Variants in PHF8 observed in about 807,000 individuals in gnomAD.
PHF8 encodes the protein histone lysine demethylase PHF8.
In PHF8, 9 loss-of-function variants were observed where a neutral mutation model predicts 74.4. The observed-to-expected ratio is 0.12, with a 90% CI of 0.07 to 0.21. The LOEUF (loss-of-function observed/expected upper bound fraction) is 0.21, where lower values mean the gene tolerates loss of function less well. Ranked by LOEUF, PHF8 falls within the 10% of genes least tolerant of loss-of-function variation. The probability of loss-of-function intolerance (pLI) is 1.00; values close to 1 mark genes in which losing one functional copy is unlikely to be tolerated. For missense variants in PHF8, 478 were observed against 816.6 expected (o/e 0.59, Z 5.05); for synonymous variants, 311 against 316.6 (o/e 0.98, Z 0.19).
intron 2 of PHF8, 100 bp downstream of exon 2, chrX:54,042,531 G>T: frequency 7.0e-6 from 5 of 712,771 alleles, no homozygotes; most frequent in South Asian, 6.8e-5. Context: ...GGGAGAGGGG[G>T]TCCTGAGCCG....
intron 7 of PHF8, among the ~76,000 whole-genome samples, chrX:54,012,219 C>T (rs2065994599): frequency 9.0e-6 from 1 of 110,884 alleles, no homozygotes; most frequent in Non-Finnish European, 1.9e-5. Flanking sequence ...TATATATAAC[C>T]ATTTTATTGT....
At position 53,993,802 on chromosome X, in the gene PHF8, A is replaced by C. The variant is rs781982799; in HGVS notation, c.1425T>G (p.Thr475=). Residue 475 remains threonine (T), a synonymous_variant, in exon 13 of 22, where the codon ACT becomes ACG. Coordinates refer to ENST00000338154, the MANE Select transcript of PHF8 (RefSeq NM_015107.3). ...SIPLTRPAHS[T]SVSMSRLSLP... ...GTGACAGCCTGGACATGGACACTGA[A>C]GTGGAATGGGCTGGCCTGGTTAGGG... is the stretch of plus-strand genomic sequence containing the variant. 1 of 1,209,026 alleles carries C rather than the reference A, an allele frequency of 8.3e-7. No individual in the cohort carries two copies. The highest frequency in any genetic ancestry group is 1.1e-6 in the Non-Finnish European group (1 of 892,716).
intron 19 of PHF8, among the ~76,000 whole-genome samples, chrX:53,962,522 T>A (rs2065121210): frequency 9.0e-6 from 1 of 111,353 alleles, no homozygotes; most frequent in Non-Finnish European, 1.9e-5. Flanking sequence ...GATGATGGTA[T>A]CAGAACGTTC....
At chrX:53,979,041 CAT>C (rs2065434720) in intron 18 of PHF8, among the ~76,000 whole-genome samples, 1 of 110,834 alleles carries the variant, frequency 9.0e-6, no homozygotes, top group Admixed American at 9.7e-5. Context: ...AGAATATAAA[CAT>C]GTGTATACCA....
intron 8 of PHF8, among the ~76,000 whole-genome samples, chrX:54,010,306 C>A (rs2065964670): frequency 9.0e-6 from 1 of 111,219 alleles, no homozygotes; most frequent in Non-Finnish European, 1.9e-5. Context: ...GCCTGGGTGA[C>A]AAGAGTGAAA....
chrX:53,986,503 G>T (rs1438011078), intron 16 of PHF8, among the ~76,000 whole-genome samples: 1 of 112,805 alleles, frequency 8.9e-6, no homozygotes, highest in Admixed American at 9.3e-5. Context: ...AAAGTGCTGG[G>T]ATTACAGGCG....
At chrX:54,002,536 C>T in intron 9 of PHF8, 59 bp downstream of exon 9, 1 of 743,368 alleles carries the variant, frequency 1.3e-6, no homozygotes, top group Middle Eastern at 2.8e-4. Context: ...CTACATTATA[C>T]TCCTCACTCT....
intron 6 of PHF8, 57 bp downstream of exon 6, chrX:54,016,538 T>C (rs954755144): frequency 5.0e-6 from 5 of 998,879 alleles, no homozygotes; most frequent in Non-Finnish European, 5.7e-6. Context: ...ACACTAGATA[T>C]ATCACACAAG....
chrX:54,001,731 A>C (rs1251705590), intron 10 of PHF8, among the ~76,000 whole-genome samples: 1 of 111,227 alleles, frequency 9.0e-6, no homozygotes, highest in African/African-American at 3.3e-5. Context: ...TCTGGTCAAC[A>C]TAACAAGACC....
chrX:54,017,910 T>A, intron 4 of PHF8, 89 bp from the exon 5 acceptor site: 1 of 863,289 alleles, frequency 1.2e-6, no homozygotes, highest in Non-Finnish European at 1.7e-6. Flanking sequence ...GAGGTGGGGT[T>A]TTTATGAGGG....
chrX:53,993,183 A>T (rs1469191960), intron 13 of PHF8, among the ~76,000 whole-genome samples: 1 of 111,109 alleles, frequency 9.0e-6, no homozygotes, highest in African/African-American at 3.3e-5. Flanking sequence ...TGACACACGC[A>T]ATGTTTTCAA....
chrX:53,946,148 C>T (rs189025789), intron 19 of PHF8, among the ~76,000 whole-genome samples: 1 of 112,176 alleles, frequency 8.9e-6, no homozygotes, highest in East Asian at 2.8e-4. Flanking sequence ...ATTAGAAAAC[C>T]ACAAGCTGGC....
chrX:54,012,829 A>G (rs782661002), intron 7 of PHF8, among the ~76,000 whole-genome samples: 1 of 108,843 alleles, frequency 9.2e-6, no homozygotes, highest in Admixed American at 1.0e-4. Context: ...AGTCCCAGCT[A>G]CTTGGGAGGC....
intron 4 of PHF8, among the ~76,000 whole-genome samples, chrX:54,019,426 C>T (rs1244550950): frequency 6.4e-5 from 7 of 109,251 alleles, no homozygotes; most frequent in East Asian, 2.9e-4. Flanking sequence ...TTGCACCACC[C>T]GACTCCAGCC....
intron 6 of PHF8, 138 bp from the exon 7 acceptor site, chrX:54,014,701 T>C (rs1250524303): frequency 1.2e-5 from 6 of 494,869 alleles, no homozygotes; most frequent in African/African-American, 2.4e-5. Context: ...CAAAGGCACA[T>C]AGGACACTTA....
At chrX:53,956,476 C>T (rs1487986570) in intron 19 of PHF8, among the ~76,000 whole-genome samples, 2 of 111,466 alleles carry the variant, frequency 1.8e-5, no homozygotes, top group African/African-American at 3.3e-5. Flanking sequence ...TTTATATCTT[C>T]TGCTCAGTAC....
Position 54,042,767 on chromosome X carries a change from T to G in PHF8, c.-39A>C. The G allele has an allele frequency of 8.4e-7, 1 of 1,193,485 alleles. No homozygotes were observed. The highest frequency in any genetic ancestry group is 1.1e-6 in the Non-Finnish European group (1 of 885,065). ...TGGAGCGTTCTGCGGCCGGCCAGGT[T>G]CGTCGTGTCAAGAGGGGCGGGAGGC... On this transcript the variant is annotated 5_prime_UTR_variant, in exon 2 of 22. Transcript: ENST00000338154.
intron 2 of PHF8, among the ~76,000 whole-genome samples, chrX:54,026,305 GA>G (rs1227577158): frequency 2.1e-5 from 2 of 97,116 alleles, no homozygotes; most frequent in South Asian, 1.0e-3. Context: ...AGTGAGCCGA[GA>G]TCATGCCACT....
chrX:53,987,710 AAAAC>A, intron 15 of PHF8, 52 bp downstream of exon 15: 7 of 1,051,077 alleles, frequency 6.7e-6, no homozygotes, highest in South Asian at 2.0e-5. Context: ...ACTCCGTCTC[AAAAC>A]AAACAAACAA....
Sources: allele counts gnomAD v4.1 joint callset (sites outside exome capture counted in the v4.1 genomes callset), GRCh38; gene constraint gnomAD v4.1.1; transcripts MANE v1.5; gene names NCBI Gene and HGNC (gene_info 2026-07-23, HGNC 2026-07-21).